The following FBXL17 variants were observed in gnomAD, a reference collection of about 807,000 sequenced individuals.
FBXL17 encodes the protein F-box/LRR-repeat protein 17.
A neutral mutation model predicts 66.2 loss-of-function variants in FBXL17; 22 were observed. That is an observed-to-expected ratio of 0.33 (90% CI 0.24 to 0.47). The LOEUF is 0.47. Among genes scored for constraint, FBXL17 ranks in the 20% least tolerant of loss-of-function variants. FBXL17 has a pLI of 1.00. For synonymous variants in FBXL17, 474 were observed against 400.5 expected (o/e 1.18, Z -2.19); for missense variants, 878 against 948.2 (o/e 0.93, Z 0.97).
At chr5:107,948,043 T>C (rs1259901185) in intron 7 of FBXL17, among the ~76,000 whole-genome samples, 1 of 151,964 alleles carries the variant, frequency 6.6e-6, no homozygotes. Flanking sequence ...CCGCCAACTT[T>C]CCTCATGGGA....
chr5:107,865,892 A>T (rs1047187643), intron 8 of FBXL17, among the ~76,000 whole-genome samples: 1 of 152,174 alleles, frequency 6.6e-6, no homozygotes, highest in African/African-American at 2.4e-5. Flanking sequence ...TATGGACTCC[A>T]TAAGTGCTTT....
At chr5:108,034,605 T>C (rs1746768088) in intron 6 of FBXL17, among the ~76,000 whole-genome samples, 1 of 152,190 alleles carries the variant, frequency 6.6e-6, no homozygotes, top group African/African-American at 2.4e-5. Flanking sequence ...TTTATTTTCA[T>C]AGCTATGAAT....
Position 108,311,913 on chromosome 5 carries a change from G to C in FBXL17, c.1506+36486C>G, listed in dbSNP as rs143887168. ...AGGTACTTATGTAAGAAGAGTTCTA[G>C]TTAGTCCCTTTAGCTTTCAAACTAT... On this transcript the variant is annotated intron_variant, in intron 4 of 8. Transcript: ENST00000542267. Among the ~76,000 whole-genome samples, 265 of 152,234 alleles carry C rather than the reference G, an allele frequency of 1.7e-3. 1 individual carries two copies. Among genetic ancestry groups the C allele is most frequent in the African/African-American group, 6.2e-3 (257 of 41,536 alleles).
intron 7 of FBXL17, among the ~76,000 whole-genome samples, chr5:107,925,095 G>A (rs1750483156): frequency 6.6e-6 from 1 of 152,182 alleles, no homozygotes; most frequent in African/African-American, 2.4e-5. Context: ...ATATAGATGT[G>A]ATGTAATTAA....
chr5:107,984,547 C>T (rs1043479417), intron 7 of FBXL17, among the ~76,000 whole-genome samples: 1 of 152,122 alleles, frequency 6.6e-6, no homozygotes, highest in East Asian at 1.9e-4. Flanking sequence ...ATAGCATACA[C>T]AGCATCCTTC....
intron 6 of FBXL17, among the ~76,000 whole-genome samples, chr5:108,172,755 T>A (rs1752654814): frequency 6.6e-6 from 1 of 152,206 alleles, no homozygotes. Context: ...ATCAATAAAT[T>A]TCCATCTAAT....
intron 6 of FBXL17, among the ~76,000 whole-genome samples, chr5:108,053,345 T>G (rs1747555685): frequency 6.6e-6 from 1 of 151,376 alleles, no homozygotes; most frequent in Non-Finnish European, 1.5e-5. Context: ...TAAACAAATT[T>G]ACAAGAAAAA....
intron 6 of FBXL17, among the ~76,000 whole-genome samples, chr5:108,114,265 A>T (rs1048699025): frequency 5.9e-5 from 9 of 152,170 alleles, no homozygotes; most frequent in African/African-American, 2.2e-4. Flanking sequence ...GTGCATAGTA[A>T]CCATTTGCTT....
rs559551019 is a variant in FBXL17, at chr5:108,079,150, CTCTT to C, written c.1746-58153_1746-58150del. 3.1e-3 allele frequency among the ~76,000 whole-genome samples: 454 copies of C among 147,058 alleles called. 3 individuals carry two copies. Among genetic ancestry groups the C allele is most frequent in the Middle Eastern group, 0.01 (3 of 286 alleles). On this transcript the variant is annotated intron_variant, in intron 6 of 8. Coordinates refer to ENST00000542267, the MANE Select transcript of FBXL17 (RefSeq NM_001163315.3). Reference sequence around the variant, plus strand: ...GGGCATGAGTCACCAGGCCTAACCTCTCTTTCTTTTTTTTTTTTTTTATTAATCT... The same window carrying C: ...GGGCATGAGTCACCAGGCCTAACCTCTCTTTTTTTTTTTTTTTATTAATCT...
intron 5 of FBXL17, among the ~76,000 whole-genome samples, chr5:108,212,751 C>G (rs534613430): frequency 2.8e-4 from 42 of 152,266 alleles, no homozygotes; most frequent in African/African-American, 9.6e-4. Flanking sequence ...TGTCTGTCAG[C>G]CCCTAGTGGG....
At chr5:107,864,189 C>T (rs142471939) in intron 8 of FBXL17, among the ~76,000 whole-genome samples, 2 of 152,180 alleles carry the variant, frequency 1.3e-5, no homozygotes, top group East Asian at 3.9e-4. Context: ...GTAGCTCTCA[C>T]TATTGAAGGA....
chr5:108,200,562 T>C (rs1243028870), intron 5 of FBXL17, among the ~76,000 whole-genome samples: 2 of 152,110 alleles, frequency 1.3e-5, no homozygotes, highest in Non-Finnish European at 2.9e-5. Context: ...CACAGGAATA[T>C]TGTTTCACTG....
intron 6 of FBXL17, among the ~76,000 whole-genome samples, chr5:108,024,297 T>C (rs576491668): frequency 1.8e-4 from 28 of 152,294 alleles, no homozygotes; most frequent in African/African-American, 6.5e-4. Flanking sequence ...CAAATACTTT[T>C]AAAGTAGCTC....
intron 7 of FBXL17, among the ~76,000 whole-genome samples, chr5:107,994,204 G>A (rs988573288): frequency 2.6e-5 from 4 of 152,072 alleles, no homozygotes; most frequent in African/African-American, 9.7e-5. Context: ...AAAGCCTAGT[G>A]ACATGATATC....
chr5:108,302,090 T>G, intron 4 of FBXL17: 2 of 926,210 alleles, frequency 2.2e-6, no homozygotes, highest in Non-Finnish European at 2.6e-6. Flanking sequence ...TGTGGACCAA[T>G]CAATAAAGTA....
At chr5:107,970,507 C>G (rs1453326561) in intron 7 of FBXL17, among the ~76,000 whole-genome samples, 1 of 152,106 alleles carries the variant, frequency 6.6e-6, no homozygotes, top group African/African-American at 2.4e-5. Context: ...TTCTTCTATC[C>G]CTTAGGCCAG....
chr5:107,917,444 T>C (rs1750168170), intron 7 of FBXL17, among the ~76,000 whole-genome samples: 2 of 152,200 alleles, frequency 1.3e-5, no homozygotes, highest in African/African-American at 4.8e-5. Context: ...AGATGGTCTT[T>C]TTAAAAAATG....
intron 4 of FBXL17, among the ~76,000 whole-genome samples, chr5:108,339,458 T>G (rs1746735046): frequency 6.6e-6 from 1 of 152,140 alleles, no homozygotes; most frequent in Non-Finnish European, 1.5e-5. Flanking sequence ...TTGCCAACAC[T>G]TGAGCACAAA....
intron 6 of FBXL17, among the ~76,000 whole-genome samples, chr5:108,119,926 G>T (rs899778309): frequency 6.6e-5 from 10 of 152,164 alleles, no homozygotes; most frequent in Admixed American, 5.9e-4. Flanking sequence ...TCACCCATTG[G>T]CTCCAAAGCA....
Sources: gnomAD v4.1 joint callset for allele counts (sites outside exome capture counted in the v4.1 genomes callset) on GRCh38, gnomAD v4.1.1 for gene constraint, MANE v1.5 for transcripts, NCBI Gene and HGNC (gene_info 2026-07-23, HGNC 2026-07-21) for gene names.